Variants in EDA2R observed in about 807,000 individuals in gnomAD.
EDA2R encodes tumor necrosis factor receptor superfamily member 27.
EDA2R carries 26 observed loss-of-function variants against 20.1 expected under a neutral mutation model. The observed-to-expected ratio is 1.30, with a 90% CI of 0.95 to 1.80. The LOEUF is 1.80. EDA2R is among the 40% of genes most tolerant of loss of function. The probability of loss-of-function intolerance (pLI) is 0.00; values close to 1 mark genes in which losing one functional copy is unlikely to be tolerated. For missense variants in EDA2R, 277 were observed against 228.7 expected (o/e 1.21, Z -1.36); for synonymous variants, 114 against 88.7 (o/e 1.29, Z -1.60).
Position 66,618,118 on chromosome X carries a change from C to A in EDA2R, c.-10-2088G>T, listed in dbSNP as rs1338402436. Among the ~76,000 whole-genome samples, 12 of 111,925 alleles carry A rather than the reference C, an allele frequency of 1.1e-4. No individual in the cohort carries two copies. The Admixed American group carries it at 1.1e-3, about 11-fold the overall frequency. Reference sequence around the variant, plus strand: ...GTCAGGCTGGTCTCGAACTCCTGACCTCAGGTGATCCACCCGCCTCGGCCT... The same window carrying A: ...GTCAGGCTGGTCTCGAACTCCTGACATCAGGTGATCCACCCGCCTCGGCCT... On this transcript the variant is annotated intron_variant, in intron 1 of 6. Transcript: ENST00000374719.
At chrX:66,615,380 G>A (rs1483494148) in intron 2 of EDA2R, among the ~76,000 whole-genome samples, 2 of 111,998 alleles carry the variant, frequency 1.8e-5, no homozygotes, top group East Asian at 5.6e-4. Flanking sequence ...ACCTACAAGG[G>A]ACCTGAGGAA....
intron 6 of EDA2R, among the ~76,000 whole-genome samples, chrX:66,598,576 G>T (rs1320415831): frequency 8.9e-6 from 1 of 112,008 alleles, no homozygotes; most frequent in Non-Finnish European, 1.9e-5. Flanking sequence ...TCTTAGTGGG[G>T]ATATTATAAA....
chrX:66,632,908 A>T (rs1206237881), intron 1 of EDA2R, among the ~76,000 whole-genome samples: 1 of 112,289 alleles, frequency 8.9e-6, no homozygotes, highest in Non-Finnish European at 1.9e-5. Flanking sequence ...TAGTGATAGC[A>T]ACATCTGGCC....
chrX:66,630,558 A>G (rs914410972), intron 1 of EDA2R, among the ~76,000 whole-genome samples: 2 of 111,660 alleles, frequency 1.8e-5, no homozygotes, highest in East Asian at 5.6e-4. Context: ...TTCAAAAAAG[A>G]TATACAAATG....
At chrX:66,637,353 C>G (rs898354122) in intron 1 of EDA2R, among the ~76,000 whole-genome samples, 2 of 111,786 alleles carry the variant, frequency 1.8e-5, no homozygotes, top group African/African-American at 6.5e-5. Context: ...GTTTATCCCC[C>G]TCTTGTGTTT....
intron 5 of EDA2R, among the ~76,000 whole-genome samples, chrX:66,601,019 G>T (rs971334958): frequency 1.8e-5 from 2 of 111,676 alleles, no homozygotes; most frequent in African/African-American, 6.5e-5. Flanking sequence ...GATTTAATTC[G>T]CACATACATC....
intron 1 of EDA2R, among the ~76,000 whole-genome samples, chrX:66,616,536 T>C (rs1461665558): frequency 2.7e-5 from 3 of 112,655 alleles, no homozygotes; most frequent in Non-Finnish European, 5.6e-5. Context: ...GTCATCTTTA[T>C]TTTATAACTG....
intron 2 of EDA2R, among the ~76,000 whole-genome samples, chrX:66,608,791 A>C (rs111444939): frequency 2.2e-3 from 245 of 111,517 alleles, no homozygotes; most frequent in African/African-American, 7.7e-3. Context: ...ACTTACATGA[A>C]ATATCTAGAA....
At chrX:66,621,869 C>T (rs1462211471) in intron 1 of EDA2R, among the ~76,000 whole-genome samples, 1 of 112,104 alleles carries the variant, frequency 8.9e-6, no homozygotes, top group African/African-American at 3.2e-5. Context: ...GTGAATTATA[C>T]ACTTTAAAAA....
intron 1 of EDA2R, among the ~76,000 whole-genome samples, chrX:66,631,028 C>T (rs1338330443): frequency 7.4e-5 from 8 of 108,352 alleles, no homozygotes; most frequent in African/African-American, 2.7e-4. Context: ...TACATATACA[C>T]ACACATGTGT....
At chrX:66,615,234 C>T (rs1931466795) in intron 2 of EDA2R, among the ~76,000 whole-genome samples, 1 of 111,920 alleles carries the variant, frequency 8.9e-6, no homozygotes, top group Admixed American at 9.5e-5. Context: ...TGCAAGTGTT[C>T]AATAAGCAAC....
At chrX:66,636,737 T>C (rs1024491923) in intron 1 of EDA2R, among the ~76,000 whole-genome samples, 2 of 110,587 alleles carry the variant, frequency 1.8e-5, no homozygotes, top group Admixed American at 1.9e-4. Flanking sequence ...TGCTAGACCC[T>C]TGGCAGGAAA....
chrX:66,630,405 A>G (rs1418068322), intron 1 of EDA2R, among the ~76,000 whole-genome samples: 2 of 111,601 alleles, frequency 1.8e-5, no homozygotes, highest in African/African-American at 6.5e-5. Flanking sequence ...TAAACAGACA[A>G]ACCACAGGGT....
rs401280 is a variant in EDA2R, at chrX:66,599,724, G to A, written c.654C>T (p.Leu218=). 5.8e-6 allele frequency: 7 copies of A among 1,210,030 alleles called. No individual in the cohort carries two copies. The highest frequency in any genetic ancestry group is 7.8e-6 in the Non-Finnish European group (7 of 894,851). ...CACTAGTCGAGCTGCAGTCGTCCTCGAGGATAGGGTTAAGTGGCTGGGTCT... is the reference window on the plus strand; with the variant it reads ...CACTAGTCGAGCTGCAGTCGTCCTCAAGGATAGGGTTAAGTGGCTGGGTCT... The part of the protein sequence containing the change: ...IFQTQPLNPI[L]EDDCSSTSGF... Residue 218 remains leucine (L), a synonymous_variant, in exon 6 of 7, where the codon CTC becomes CTT. Transcript: ENST00000374719.
chrX:66,637,428 G>A (rs1454617975), intron 1 of EDA2R, among the ~76,000 whole-genome samples: 4 of 111,182 alleles, frequency 3.6e-5, no homozygotes, highest in Non-Finnish European at 5.7e-5. Flanking sequence ...AGGATCTGAC[G>A]TTTTTTTTAA....
In EDA2R at chrX:66,599,616, G is replaced by T. The variant is rs1379832577; in HGVS notation, c.762C>A (p.Cys254Ter). The change falls in exon 6 of 7, where the codon TGC becomes TGA. Residue 254 changes from cysteine (C) to a stop codon, truncating the protein, a stop_gained. Transcript: ENST00000374719. LOFTEE classifies it high-confidence loss of function. ...HSHWVHSPIE[C>*]TELDLQKFSS... Reference sequence around the variant, plus strand: ...AAAACTTTTGCAGGTCCAGCTCTGTGCATTCGATGGGGCTGTGGACCCAGT... The same window carrying T: ...AAAACTTTTGCAGGTCCAGCTCTGTTCATTCGATGGGGCTGTGGACCCAGT... The T allele has an allele frequency of 4.2e-6, 5 of 1,204,346 alleles. No homozygotes were observed. Among genetic ancestry groups the T allele is most frequent in the East Asian group, 3.0e-5 (1 of 33,465 alleles).
Position 66,599,550 on chromosome X carries a change from T to TC in EDA2R, c.827dup (p.Asn277LysfsTer17). 1.7e-6 allele frequency: 2 copies of TC among 1,188,682 alleles called. No individual in the cohort carries two copies. The highest frequency in any genetic ancestry group is 2.3e-5 in the Admixed American group (1 of 42,837). On this transcript the variant is annotated frameshift_variant, in exon 6 of 7. Coordinates refer to ENST00000374719, the MANE Select transcript of EDA2R (RefSeq NM_021783.5). LOFTEE classifies it high-confidence loss of function. Reference sequence around the variant, plus strand: ...TGTCTCCAGTGCTTTCGACTGTGTTTCCCCCCAAGGTCTCAGCTCCAGTAT... The same window carrying TC: ...TGTCTCCAGTGCTTTCGACTGTGTTTCCCCCCCAAGGTCTCAGCTCCAGTAT...
At chrX:66,617,967 A>G (rs1251440026) in intron 1 of EDA2R, among the ~76,000 whole-genome samples, 1 of 103,458 alleles carries the variant, frequency 9.7e-6, no homozygotes, top group African/African-American at 3.6e-5. Flanking sequence ...GCTCACTGCA[A>G]CCTCTGCCTC....
At chrX:66,637,835 T>C (rs1419708613) in intron 1 of EDA2R, among the ~76,000 whole-genome samples, 1 of 112,172 alleles carries the variant, frequency 8.9e-6, no homozygotes, top group African/African-American at 3.2e-5. Flanking sequence ...GGTGCTATTA[T>C]TATCCACTTT....
Sources: gnomAD v4.1 joint callset for allele counts (sites outside exome capture counted in the v4.1 genomes callset) on GRCh38, gnomAD v4.1.1 for gene constraint, MANE v1.5 for transcripts, NCBI Gene and HGNC (gene_info 2026-07-23, HGNC 2026-07-21) for gene names.